Variants in DYNC2LI1 observed in about 807,000 individuals in gnomAD.
DYNC2LI1 encodes dynein cytoplasmic 2 light intermediate chain 1, also known as cytoplasmic dynein 2 light intermediate chain 1.
A neutral mutation model predicts 51.9 loss-of-function variants in DYNC2LI1; 45 were observed. That is an observed-to-expected ratio of 0.87 (90% confidence interval 0.68 to 1.11). The LOEUF (loss-of-function observed/expected upper bound fraction) is 1.11, where lower values mean the gene tolerates loss of function less well. Ranked by LOEUF, DYNC2LI1 falls within the 50% of genes most tolerant of loss-of-function variation. The probability of loss-of-function intolerance (pLI) is 0.00; values close to 1 mark genes in which losing one functional copy is unlikely to be tolerated. For synonymous variants in DYNC2LI1, 130 were observed against 137.8 expected (o/e 0.94, Z 0.40); for missense variants, 490 against 417.4 (o/e 1.17, Z -1.51).
chr2:43,787,995 T>C (rs1444833729), intron 4 of DYNC2LI1, among the ~76,000 whole-genome samples: 1 of 152,156 alleles, frequency 6.6e-6, no homozygotes, highest in Non-Finnish European at 1.5e-5. Flanking sequence ...CCAATGAAAG[T>C]GGGTTATTAA....
At chr2:43,792,311 G>A (rs1673827390) in intron 5 of DYNC2LI1, among the ~76,000 whole-genome samples, 1 of 151,954 alleles carries the variant, frequency 6.6e-6, no homozygotes, top group African/African-American at 2.4e-5. Flanking sequence ...ATACAAAATA[G>A]CCTGTTTACT....
chr2:43,826,580 AAACT>A, the DYNC2LI1 span: 3 of 1,612,080 alleles, frequency 1.9e-6, no homozygotes, highest in Non-Finnish European at 2.5e-6. Context: ...TCTGTGCTTA[AAACT>A]CAGAGTTCTG....
the DYNC2LI1 span, among the ~76,000 whole-genome samples, chr2:43,819,128 C>G: frequency 6.6e-6 from 1 of 152,042 alleles, no homozygotes; most frequent in South Asian, 2.1e-4. Context: ...TGCTTTTTGA[C>G]TTGATTTTTA....
chr2:43,795,290 CGTCAA>C, intron 6 of DYNC2LI1: 1 of 614,604 alleles, frequency 1.6e-6, no homozygotes, highest in Non-Finnish European at 2.0e-6. Context: ...CGGATCACGA[CGTCAA>C]GAGATCAAGA....
At chr2:43,813,284 A>C, downstream of DYNC2LI1, 1 of 1,613,712 alleles carries the variant, frequency 6.2e-7, no homozygotes, top group Non-Finnish European at 8.5e-7. Context: ...ACATTGGATT[A>C]GTTGTCACAG....
chr2:43,800,832 TG>T lies in DYNC2LI1; in HGVS notation c.655-8del. On this transcript the variant is annotated splice_polypyrimidine_tract_variant and splice_region_variant and intron_variant, in intron 8 of 12. Coordinates refer to ENST00000260605, the MANE Select transcript of DYNC2LI1 (RefSeq NM_016008.4). ...GAGCATGTAATTTGTTCTCCTGATT[TG>T]TTTAAAGTTTACCAGTAAATCAGAA... The T allele has an allele frequency of 2.0e-6, 3 of 1,521,416 alleles. No individual in the cohort carries two copies. Among genetic ancestry groups the T allele is most frequent in the Non-Finnish European group, 2.7e-6 (3 of 1,111,176 alleles). The allele number at this position is 1,521,416 out of a possible 1,614,324, so 94.2% of individuals were successfully genotyped here. A position where few individuals can be genotyped will look rare whatever the true frequency, so the allele number is the denominator to read the frequency against.
chr2:43,797,318 T>C (rs1221323548), intron 8 of DYNC2LI1, among the ~76,000 whole-genome samples: 1 of 152,016 alleles, frequency 6.6e-6, no homozygotes, highest in African/African-American at 2.4e-5. Flanking sequence ...TCCTCCAGGG[T>C]AAAATGGAGA....
chr2:43,827,889 C>T, the DYNC2LI1 span: 4 of 1,568,372 alleles, frequency 2.6e-6, no homozygotes, highest in East Asian at 9.2e-5. Flanking sequence ...AAACCCCTTT[C>T]CAAATGAGGA....
chr2:43,792,704 GTC>G (rs1673849489), intron 5 of DYNC2LI1: 1 of 1,548,238 alleles, frequency 6.5e-7, no homozygotes, highest in Non-Finnish European at 8.7e-7. Context: ...CCTACTGCCT[GTC>G]TCTATGAATT....
downstream of DYNC2LI1, chr2:43,814,346 C>T (rs974021223): frequency 1.5e-5 from 10 of 671,998 alleles, no homozygotes; most frequent in African/African-American, 1.6e-4. Context: ...AAATGTTGGA[C>T]TGTATTTCAA....
intron 5 of DYNC2LI1, chr2:43,793,985 A>G (rs4953016): frequency 0.17 from 26,282 of 153,986 alleles, 3,428 homozygotes; most frequent in African/African-American, 0.35. Context: ...TAAAATGGAC[A>G]TTATAACATC....
At chr2:43,793,750 A>G (rs17031563) in intron 5 of DYNC2LI1, 3,297 of 152,092 alleles carry the variant, frequency 0.022, 81 homozygotes, top group African/African-American at 0.062. Context: ...CTCTTTGCCC[A>G]TTTTTGAACA....
intron 8 of DYNC2LI1, among the ~76,000 whole-genome samples, chr2:43,798,651 C>T (rs1413334794): frequency 6.6e-6 from 1 of 152,172 alleles, no homozygotes; most frequent in African/African-American, 2.4e-5. Context: ...CTGGGATTAA[C>T]CATGGCCCAG....
chr2:43,815,259 T>C, the DYNC2LI1 span, among the ~76,000 whole-genome samples: 15 of 152,244 alleles, frequency 9.9e-5, no homozygotes, highest in Non-Finnish European at 1.6e-4. Flanking sequence ...TGTGGTCTTC[T>C]TAGTCCACTG....
chr2:43,794,049 C>T, intron 5 of DYNC2LI1: 1 of 165,274 alleles, frequency 6.1e-6, no homozygotes, highest in East Asian at 1.7e-4. Context: ...GCAAGGTCCA[C>T]CCATATATCT....
Position 43,774,596 on chromosome 2 carries a change from A to G in DYNC2LI1, c.8+450A>G, listed in dbSNP as rs549299304. 1.4e-4 allele frequency among the ~76,000 whole-genome samples: 21 copies of G among 152,310 alleles called. No individual in the cohort carries two copies. The South Asian group carries it at 4.4e-3, about 32-fold the overall frequency. On this transcript the variant is annotated intron_variant, in intron 1 of 12. Coordinates refer to ENST00000260605, the MANE Select transcript of DYNC2LI1 (RefSeq NM_016008.4). ...AAACGGGAGAGGGTTTGTAAACTAT[A>G]TTCTAGCTGTTCAATTCTATGATAT...
intron 11 of DYNC2LI1, among the ~76,000 whole-genome samples, 180 bp from the exon 12 acceptor site, chr2:43,804,974 A>G (rs945709977): frequency 1.3e-5 from 2 of 151,790 alleles, no homozygotes; most frequent in African/African-American, 4.8e-5. Context: ...GAAGGGAGAG[A>G]CAACTGAAAG....
At chr2:43,805,448 A>G in intron 12 of DYNC2LI1, 1 of 304,376 alleles carries the variant, frequency 3.3e-6, no homozygotes, top group East Asian at 5.7e-5. Context: ...GAATAAAGAA[A>G]AATTTTTAAA....
rs113342563 is a variant in DYNC2LI1 at position 43,797,556 on chromosome 2, G to A, written c.654+761G>A. ...TTTTTTTTTGAGACAGTCTCACTCC[G>A]TCACCCAGGCTGGAGTATAATAGCA... is the stretch of plus-strand genomic sequence containing the variant. On this transcript the variant is annotated intron_variant, in intron 8 of 12. Transcript: ENST00000260605. 5.4e-3 allele frequency among the ~76,000 whole-genome samples: 644 copies of A among 119,178 alleles called. 2 individuals carry two copies. Among genetic ancestry groups the A allele is most frequent in the Non-Finnish European group, 7.2e-3 (452 of 62,434 alleles). 78.2% of individuals were successfully genotyped at this position (119,178 alleles called of 152,430 possible).
Sources: gnomAD v4.1 joint callset for allele counts (sites outside exome capture counted in the v4.1 genomes callset) on GRCh38, gnomAD v4.1.1 for gene constraint, MANE v1.5 for transcripts, NCBI Gene and HGNC (gene_info 2026-07-23, HGNC 2026-07-21) for gene names.